The following BAZ1A variants were observed in gnomAD, a reference collection of about 807,000 sequenced individuals.
BAZ1A encodes bromodomain adjacent to zinc finger domain 1A.
A neutral mutation model predicts 185.2 loss-of-function variants in BAZ1A; 50 were observed. The ratio of observed to expected loss-of-function variants is 0.27; its 90% CI spans 0.22 to 0.34. BAZ1A has a LOEUF of 0.34. Among genes scored for constraint, BAZ1A ranks in the 10% least tolerant of loss-of-function variants. The pLI is 1.00. For missense variants in BAZ1A, 1,356 were observed against 1,839.9 expected (o/e 0.74, Z 4.81); for synonymous variants, 571 against 615.6 (o/e 0.93, Z 1.07).
chr14:34,860,762 G>C (rs2042756672), intron 3 of BAZ1A, among the ~76,000 whole-genome samples: 1 of 151,816 alleles, frequency 6.6e-6, no homozygotes, highest in Non-Finnish European at 1.5e-5. Flanking sequence ...GCTGGGTGTG[G>C]TGGTGGGTGC....
At chr14:34,756,464 C>CTT (rs1343693112) in intron 25 of BAZ1A, among the ~76,000 whole-genome samples, 14,292 of 105,706 alleles carry the variant, frequency 0.14, 1,725 homozygotes, top group Non-Finnish European at 0.18. Flanking sequence ...GCCAGAATAC[C>CTT]TATTTTTTTT....
chr14:34,851,902 C>T (rs568608726), intron 3 of BAZ1A, among the ~76,000 whole-genome samples: 27 of 151,426 alleles, frequency 1.8e-4, no homozygotes, highest in South Asian at 6.3e-4. Flanking sequence ...CTGAGGCGGG[C>T]GGATCACGAG....
chr14:34,850,090 A>T (rs1279073368), intron 3 of BAZ1A, among the ~76,000 whole-genome samples: 1 of 152,186 alleles, frequency 6.6e-6, no homozygotes, highest in East Asian at 1.9e-4. Context: ...ACCAAAAAAA[A>T]AAGGTCAGGC....
At chr14:34,805,785 T>TACATAAGC (rs1320818041) in intron 6 of BAZ1A, among the ~76,000 whole-genome samples, 1 of 152,210 alleles carries the variant, frequency 6.6e-6, no homozygotes. Flanking sequence ...ACCATTTTCC[T>TACATAAGC]ACTGGGGTGC....
At chr14:34,866,412 C>T (rs780276000) in intron 2 of BAZ1A, among the ~76,000 whole-genome samples, 37 of 145,192 alleles carry the variant, frequency 2.5e-4, no homozygotes, top group Non-Finnish European at 4.8e-4. Flanking sequence ...CACTTCAGCC[C>T]GTGAGGCCGA....
chr14:34,770,730 A>C (rs1169360564), intron 21 of BAZ1A, among the ~76,000 whole-genome samples: 2 of 152,208 alleles, frequency 1.3e-5, no homozygotes, highest in East Asian at 3.9e-4. Context: ...CTAATTTCAT[A>C]ATTTGTCAAA....
intron 21 of BAZ1A, among the ~76,000 whole-genome samples, chr14:34,770,077 C>A (rs746835326): frequency 6.6e-6 from 1 of 152,112 alleles, no homozygotes; most frequent in Non-Finnish European, 1.5e-5. Context: ...AAAAAGTTTA[C>A]CAGTATATTC....
chr14:34,819,140 CAAAAAAAAAAAAA>C (rs71121223), intron 4 of BAZ1A, among the ~76,000 whole-genome samples: 3 of 72,790 alleles, frequency 4.1e-5, no homozygotes, highest in East Asian at 4.6e-4. Context: ...GACTCTGTCT[CAAAAAAAAAAAAA>C]AAAAAAAAAA....
chr14:34,755,811 CTT>C (rs768269206), intron 25 of BAZ1A, among the ~76,000 whole-genome samples: 3 of 138,750 alleles, frequency 2.2e-5, no homozygotes, highest in Non-Finnish European at 1.6e-5. Flanking sequence ...TAATACCTAT[CTT>C]TTTTTTTTTT....
chr14:34,853,061 T>A (rs2042621616), intron 3 of BAZ1A, among the ~76,000 whole-genome samples: 1 of 149,382 alleles, frequency 6.7e-6, no homozygotes, highest in Non-Finnish European at 1.5e-5. Context: ...AAAAAAAAAA[T>A]CACTTCTTTT....
At chr14:34,808,336 A>G (rs936698429) in intron 5 of BAZ1A, among the ~76,000 whole-genome samples, 1 of 151,818 alleles carries the variant, frequency 6.6e-6, no homozygotes, top group African/African-American at 2.4e-5. Context: ...TCTACTAAAA[A>G]TACAAAAAAA....
At chr14:34,795,628 G>C in intron 10 of BAZ1A, 42 bp downstream of exon 10, 1 of 1,380,714 alleles carries the variant, frequency 7.2e-7, no homozygotes, top group Non-Finnish European at 9.9e-7. Context: ...CATAGGACAT[G>C]TAAAACCTAT....
At chr14:34,820,677 C>T (rs2042076600) in intron 4 of BAZ1A, among the ~76,000 whole-genome samples, 1 of 151,994 alleles carries the variant, frequency 6.6e-6, no homozygotes, top group South Asian at 2.1e-4. Flanking sequence ...AGCTTTTCTT[C>T]TATCTTTTCT....
chr14:34,782,718 A>T (rs910301495), intron 16 of BAZ1A, among the ~76,000 whole-genome samples: 5 of 152,342 alleles, frequency 3.3e-5, no homozygotes, highest in South Asian at 2.1e-4. Context: ...ATTAAAAAGG[A>T]AAAAAGATGA....
rs1476656305 is a variant in BAZ1A, at chr14:34,783,757, C to T, written c.1997+5G>A. The T allele has an allele frequency of 6.2e-7, 1 of 1,602,076 alleles. No homozygotes were observed. Among genetic ancestry groups the T allele is most frequent in the Non-Finnish European group, 8.5e-7 (1 of 1,176,614 alleles). ...ATTAACACAACTATTACAATTATCT[C>T]TTACCTGGCAGCTGCTTCTTCCCTC... On this transcript the variant is annotated splice_donor_5th_base_variant and intron_variant, in intron 15 of 26. Coordinates refer to ENST00000360310, the MANE Select transcript of BAZ1A (RefSeq NM_013448.3).
At chr14:34,832,189 T>TACACACACACACACAC (rs1279966806) in intron 3 of BAZ1A, among the ~76,000 whole-genome samples, 1 of 65,946 alleles carries the variant, frequency 1.5e-5, no homozygotes, top group Non-Finnish European at 3.2e-5. Context: ...CATATATACA[T>TACACACACACACACAC]ATACACACAC....
chr14:34,772,118 C>T (rs1879267088), intron 20 of BAZ1A, among the ~76,000 whole-genome samples: 1 of 151,906 alleles, frequency 6.6e-6, no homozygotes, highest in African/African-American at 2.4e-5. Flanking sequence ...CCGTGCCCGG[C>T]TAATTTTTTG....
intron 24 of BAZ1A, among the ~76,000 whole-genome samples, chr14:34,761,124 A>G (rs923886427): frequency 6.6e-6 from 1 of 151,574 alleles, no homozygotes; most frequent in Non-Finnish European, 1.5e-5. Context: ...CTACTAATAC[A>G]AAAATTAGCC....
chr14:34,862,378 T>C, intron 2 of BAZ1A, 56 bp from the exon 3 acceptor site: 1 of 1,537,298 alleles, frequency 6.5e-7, no homozygotes, highest in Non-Finnish European at 8.7e-7. Flanking sequence ...TTCACAAATT[T>C]TACATTAAAA....
Sources: allele counts gnomAD v4.1 joint callset (sites outside exome capture counted in the v4.1 genomes callset), GRCh38; gene constraint gnomAD v4.1.1; transcripts MANE v1.5; gene names NCBI Gene and HGNC (gene_info 2026-07-23, HGNC 2026-07-21).